Variants in GLIS3 observed in about 807,000 individuals in gnomAD.
The protein encoded by GLIS3 is zinc finger protein GLIS3.
Under a neutral mutation model 78.6 loss-of-function variants are expected in GLIS3, and 53 were observed. The observed-to-expected ratio is 0.67, with a 90% CI of 0.54 to 0.85. The LOEUF is 0.85. Ranked by LOEUF, GLIS3 falls within the 40% of genes least tolerant of loss-of-function variation. GLIS3 has a pLI of 0.00. For missense variants in GLIS3, 1,703 were observed against 1,231.1 expected (o/e 1.38, Z -5.74); for synonymous variants, 684 against 509.9 (o/e 1.34, Z -4.60).
intron 4 of GLIS3, among the ~76,000 whole-genome samples, chr9:4,050,320 CATTAT>C (rs1485358326): frequency 3.9e-5 from 6 of 152,114 alleles, no homozygotes; most frequent in Non-Finnish European, 5.9e-5. Flanking sequence ...AGCTGGAAAC[CATTAT>C]TCTCAGTAAA....
chr9:4,130,859 G>C (rs1237339701), intron 2 of GLIS3, among the ~76,000 whole-genome samples: 3 of 152,184 alleles, frequency 2.0e-5, no homozygotes, highest in Non-Finnish European at 4.4e-5. Context: ...TAGGTGCACT[G>C]TCAGCTTGCA....
chr9:4,035,114 AAT>A (rs1255319493), intron 4 of GLIS3: 1 of 152,206 alleles, frequency 6.6e-6, no homozygotes, highest in Non-Finnish European at 1.5e-5. Flanking sequence ...TAGGAGTAGA[AAT>A]AATCTCAACA....
chr9:4,055,800 G>T (rs1235631844), intron 4 of GLIS3, among the ~76,000 whole-genome samples: 1 of 152,228 alleles, frequency 6.6e-6, no homozygotes, highest in African/African-American at 2.4e-5. Context: ...TCATTGGAGG[G>T]ATGTAAAGGA....
At chr9:4,238,209 C>A (rs922315738) in intron 2 of GLIS3, among the ~76,000 whole-genome samples, 4 of 152,062 alleles carry the variant, frequency 2.6e-5, no homozygotes, top group East Asian at 1.9e-4. Flanking sequence ...CCTGAGAGAC[C>A]GAAACAATGT....
chr9:4,085,482 G>A (rs117194124), intron 4 of GLIS3, among the ~76,000 whole-genome samples: 6 of 151,816 alleles, frequency 4.0e-5, no homozygotes, highest in Non-Finnish European at 8.8e-5. Context: ...TCCTGTCCAC[G>A]TGATAGCCAG....
chr9:4,102,097 G>C (rs944122312), intron 4 of GLIS3, among the ~76,000 whole-genome samples: 1 of 152,078 alleles, frequency 6.6e-6, no homozygotes, highest in South Asian at 2.1e-4. Context: ...TTCTGCCCCA[G>C]GGTTTCTCCA....
intron 4 of GLIS3, among the ~76,000 whole-genome samples, chr9:4,106,518 G>A (rs1277068154): frequency 6.6e-6 from 1 of 152,162 alleles, no homozygotes; most frequent in Non-Finnish European, 1.5e-5. Context: ...ATATTATAAA[G>A]AGCCAGGCAA....
chr9:3,830,760 C>T (rs1260964069), intron 9 of GLIS3, among the ~76,000 whole-genome samples: 1 of 152,174 alleles, frequency 6.6e-6, no homozygotes, highest in Non-Finnish European at 1.5e-5. Flanking sequence ...AAGGCTTCAT[C>T]CCTTATTAAA....
At chr9:3,858,704 A>C (rs12341624) in intron 8 of GLIS3, among the ~76,000 whole-genome samples, 3,752 of 152,242 alleles carry the variant, frequency 0.025, 172 homozygotes, top group African/African-American at 0.084. Flanking sequence ...TGATTTGAAA[A>C]GGAAAGAAAT....
chr9:4,084,029 G>A (rs887354574), intron 4 of GLIS3, among the ~76,000 whole-genome samples: 1 of 152,104 alleles, frequency 6.6e-6, no homozygotes, highest in South Asian at 2.1e-4. Flanking sequence ...GCTGCTCAAG[G>A]CTCTGTTACC....
chr9:3,953,795 C>CTCTCTCTATA (rs1403671770), intron 4 of GLIS3, among the ~76,000 whole-genome samples: 88 of 73,268 alleles, frequency 1.2e-3, no homozygotes, highest in Admixed American at 2.9e-3. Context: ...CTCTCTCTCT[C>CTCTCTCTATA]TATATATATA....
At chr9:4,392,576 G>C in the GLIS3 span, among the ~76,000 whole-genome samples, 1 of 152,102 alleles carries the variant, frequency 6.6e-6, no homozygotes, top group Non-Finnish European at 1.5e-5. Context: ...ATTCTAACAG[G>C]TGACAGTTCC....
At chr9:4,277,495 C>T (rs886929234) in intron 2 of GLIS3, among the ~76,000 whole-genome samples, 6 of 152,216 alleles carry the variant, frequency 3.9e-5, no homozygotes, top group Admixed American at 6.5e-5. Context: ...TTACAAGAGA[C>T]ACCAACCTTA....
intron 4 of GLIS3, among the ~76,000 whole-genome samples, chr9:4,053,353 G>C (rs1825876568): frequency 6.6e-6 from 1 of 152,096 alleles, no homozygotes; most frequent in Non-Finnish European, 1.5e-5. Flanking sequence ...ACCACCTCCT[G>C]AGACAGAACC....
At chr9:4,316,361 G>T (rs927970601) in intron 2 of GLIS3, among the ~76,000 whole-genome samples, 5 of 152,084 alleles carry the variant, frequency 3.3e-5, no homozygotes, top group Admixed American at 6.5e-5. Flanking sequence ...GTCCTTAACT[G>T]GACTGACTTT....
the GLIS3 span, among the ~76,000 whole-genome samples, chr9:4,453,961 C>A: frequency 7.0e-3 from 1,056 of 151,628 alleles, 16 homozygotes; most frequent in South Asian, 0.043. Flanking sequence ...CAAACCTGCA[C>A]GTTGTGCACA....
chr9:4,382,561 C>A, the GLIS3 span, among the ~76,000 whole-genome samples: 1 of 152,066 alleles, frequency 6.6e-6, no homozygotes, highest in East Asian at 1.9e-4. Context: ...TAGAGTATTT[C>A]TCCAGGTATG....
chr9:3,875,279 T>G (rs1314514645), intron 8 of GLIS3, among the ~76,000 whole-genome samples: 4 of 152,186 alleles, frequency 2.6e-5, no homozygotes, highest in African/African-American at 9.7e-5. Context: ...TGAAATAATG[T>G]GTCATTCAGA....
the GLIS3 span, among the ~76,000 whole-genome samples, chr9:4,411,190 T>G: frequency 2.0e-5 from 3 of 152,250 alleles, no homozygotes; most frequent in African/African-American, 7.2e-5. Context: ...GATGTGATAA[T>G]TTAATTCACT....
Sources: gnomAD v4.1 joint callset for allele counts (sites outside exome capture counted in the v4.1 genomes callset) on GRCh38, gnomAD v4.1.1 for gene constraint, MANE v1.5 for transcripts, NCBI Gene and HGNC (gene_info 2026-07-23, HGNC 2026-07-21) for gene names.